ERBB4: variants seen among roughly 807,000 people sequenced by gnomAD.
The protein encoded by ERBB4 is receptor tyrosine-protein kinase erbB-4.
In ERBB4, 42 loss-of-function variants were observed where a neutral mutation model predicts 158.0. The ratio of observed to expected loss-of-function variants is 0.27; its 90% confidence interval spans 0.21 to 0.34. ERBB4 has a LOEUF of 0.34. Ranked by LOEUF, ERBB4 falls within the 10% of genes least tolerant of loss-of-function variation. The pLI is 1.00. For synonymous variants in ERBB4, 583 were observed against 558.7 expected (o/e 1.04, Z -0.61); for missense variants, 1,333 against 1,624.1 (o/e 0.82, Z 3.08).
rs764952331 is a variant in ERBB4 at position 211,670,085 on chromosome 2, C to T, written c.1716+3079G>A. On this transcript the variant is annotated intron_variant, in intron 14 of 27. Coordinates refer to ENST00000342788, the MANE Select transcript of ERBB4 (RefSeq NM_005235.3). Reference sequence around the variant, plus strand: ...TCCAAATGGCTTTGATGACTTCTTCCTCAATTTCATCAAAACGCCAGTCTA... The same window carrying T: ...TCCAAATGGCTTTGATGACTTCTTCTTCAATTTCATCAAAACGCCAGTCTA... 2.8e-4 allele frequency among the ~76,000 whole-genome samples: 42 copies of T among 152,224 alleles called. No individual in the cohort carries two copies. The Middle Eastern group carries it at 0.02, about 74-fold the overall frequency.
chr2:212,497,256 G>T (rs998317049), intron 1 of ERBB4, among the ~76,000 whole-genome samples: 1 of 150,438 alleles, frequency 6.6e-6, no homozygotes, highest in Non-Finnish European at 1.5e-5. Flanking sequence ...TCAACTATTT[G>T]AATACTAATT....
At chr2:211,634,595 A>C (rs2070286359) in intron 16 of ERBB4, among the ~76,000 whole-genome samples, 1 of 152,166 alleles carries the variant, frequency 6.6e-6, no homozygotes, top group African/African-American at 2.4e-5. Context: ...TTACTTCTTT[A>C]AATGGCTGTG....
At chr2:211,803,823 G>C (rs1035636744) in intron 3 of ERBB4, among the ~76,000 whole-genome samples, 7 of 152,180 alleles carry the variant, frequency 4.6e-5, no homozygotes, top group African/African-American at 1.7e-4. Context: ...TGCTCTCATG[G>C]AACTAGTCTT....
At chr2:212,311,699 A>C (rs2087052370) in intron 1 of ERBB4, among the ~76,000 whole-genome samples, 1 of 151,056 alleles carries the variant, frequency 6.6e-6, no homozygotes, top group Admixed American at 6.6e-5. Context: ...ACCATTTTGC[A>C]GAATATATTC....
At chr2:211,600,623 G>A (rs2068770542) in intron 19 of ERBB4, among the ~76,000 whole-genome samples, 1 of 152,284 alleles carries the variant, frequency 6.6e-6, no homozygotes, top group Admixed American at 6.5e-5. Context: ...AGTACCAGGT[G>A]TACCAGGTGA....
intron 20 of ERBB4, among the ~76,000 whole-genome samples, chr2:211,440,878 G>A (rs2063958567): frequency 6.6e-6 from 1 of 152,162 alleles, no homozygotes; most frequent in South Asian, 2.1e-4. Context: ...GGGTTGAAAA[G>A]TGTGTCATTC....
At position 212,070,446 on chromosome 2, in the gene ERBB4, C is replaced by T. The variant is rs184996939; in HGVS notation, c.234+54306G>A. Among the ~76,000 whole-genome samples, 837 of 152,104 alleles carry T rather than the reference C, an allele frequency of 5.5e-3. 4 individuals carry two copies. The highest frequency in any genetic ancestry group is 9.2e-3 in the Non-Finnish European group (626 of 67,942). On this transcript the variant is annotated intron_variant, in intron 2 of 27. Coordinates refer to ENST00000342788, the MANE Select transcript of ERBB4 (RefSeq NM_005235.3). ...GGATTCATACTTTCTGGTTTCACAG[C>T]TTGTGATAATTAAGACAATGTGGTA...
chr2:212,469,555 C>T (rs974340324), intron 1 of ERBB4, among the ~76,000 whole-genome samples: 4 of 152,048 alleles, frequency 2.6e-5, no homozygotes, highest in African/African-American at 9.7e-5. Flanking sequence ...TTATGTCTTG[C>T]GTTCCAACAG....
chr2:211,622,418 T>C (rs2069639104), intron 18 of ERBB4, among the ~76,000 whole-genome samples: 1 of 152,164 alleles, frequency 6.6e-6, no homozygotes, highest in African/African-American at 2.4e-5. Context: ...GAATAAAATA[T>C]GCATACTAAA....
intron 19 of ERBB4, among the ~76,000 whole-genome samples, chr2:211,604,438 C>T (rs955573503): frequency 7.9e-5 from 12 of 152,068 alleles, no homozygotes; most frequent in African/African-American, 2.9e-4. Flanking sequence ...GAAGGATAAA[C>T]CCAAATGATA....
At chr2:211,779,085 A>G (rs1298711731) in intron 4 of ERBB4, 1 of 152,226 alleles carries the variant, frequency 6.6e-6, no homozygotes, top group East Asian at 1.9e-4. Flanking sequence ...CTTAGGATTT[A>G]TCATATGGGC....
At chr2:211,633,412 A>C (rs2070221776) in intron 16 of ERBB4, among the ~76,000 whole-genome samples, 1 of 151,248 alleles carries the variant, frequency 6.6e-6, no homozygotes, top group African/African-American at 2.4e-5. Context: ...ATAAAATAAT[A>C]TACTAAATAG....
intron 3 of ERBB4, among the ~76,000 whole-genome samples, chr2:211,830,767 T>C (rs868317578): frequency 6.6e-6 from 1 of 152,080 alleles, no homozygotes; most frequent in Non-Finnish European, 1.5e-5. Flanking sequence ...GAAATGTTTA[T>C]AACAATGAAG....
rs370799220 is a variant in ERBB4, at chr2:211,613,576, T to A, written c.2301+5601A>T. On this transcript the variant is annotated intron_variant, in intron 19 of 27. Transcript: ENST00000342788. ...CTCAAACAATTCTATACGAAAAAAA[T>A]CTAATAATCTGACCAAAATGTGGGC... is the stretch of plus-strand genomic sequence containing the variant. Among the ~76,000 whole-genome samples the A allele has an allele frequency of 1.3e-4, 20 of 151,872 alleles. No homozygotes were observed. In the East Asian group the frequency reaches 2.9e-3, roughly 22 times the overall value.
chr2:212,509,345 A>G (rs1390920557), intron 1 of ERBB4, among the ~76,000 whole-genome samples: 1 of 152,024 alleles, frequency 6.6e-6, no homozygotes, highest in Non-Finnish European at 1.5e-5. Flanking sequence ...TGTGTTTTTC[A>G]TAAGATTGCT....
intron 18 of ERBB4, among the ~76,000 whole-genome samples, chr2:211,620,019 G>T (rs2069538235): frequency 6.6e-6 from 1 of 152,106 alleles, no homozygotes; most frequent in African/African-American, 2.4e-5. Context: ...CCTTGGGAAA[G>T]TATAAAGTTG....
chr2:212,497,237 T>C (rs1441135142), intron 1 of ERBB4, among the ~76,000 whole-genome samples: 2 of 149,972 alleles, frequency 1.3e-5, no homozygotes, highest in African/African-American at 4.9e-5. Flanking sequence ...AAAAAAACAA[T>C]ATTTATAGTC....
intron 7 of ERBB4, among the ~76,000 whole-genome samples, chr2:211,720,615 T>G (rs1179334454): frequency 6.6e-6 from 1 of 152,216 alleles, no homozygotes; most frequent in Admixed American, 6.5e-5. Context: ...TACCATTATG[T>G]GGCTTATGTT....
At chr2:212,152,306 A>G (rs2080897889) in intron 1 of ERBB4, among the ~76,000 whole-genome samples, 1 of 152,142 alleles carries the variant, frequency 6.6e-6, no homozygotes, top group African/African-American at 2.4e-5. Context: ...TTCCAGAATT[A>G]CTGTGATAAT....
Sources: allele counts gnomAD v4.1 joint callset (sites outside exome capture counted in the v4.1 genomes callset), GRCh38; gene constraint gnomAD v4.1.1; transcripts MANE v1.5; gene names NCBI Gene and HGNC (gene_info 2026-07-23, HGNC 2026-07-21).